Variants in ROPN1L observed in about 807,000 individuals in gnomAD.
ROPN1L encodes the protein ropporin-1-like protein.
Under a neutral mutation model 22.7 loss-of-function variants are expected in ROPN1L, and 23 were observed. The ratio of observed to expected loss-of-function variants is 1.01; its 90% confidence interval spans 0.73 to 1.43. ROPN1L has a LOEUF of 1.43. Ranked by LOEUF, ROPN1L falls within the 40% of genes most tolerant of loss-of-function variation. The pLI is 0.00. For synonymous variants in ROPN1L, 116 were observed against 117.8 expected, an observed-to-expected ratio of 0.98 and a Z score of 0.10; for missense variants, 271 against 291.5, an observed-to-expected ratio of 0.93 and a Z score of 0.51.
At chr5:10,481,021 C>T in the ROPN1L span, among the ~76,000 whole-genome samples, 3 of 152,118 alleles carry the variant, frequency 2.0e-5, no homozygotes, top group Non-Finnish European at 4.4e-5. Context: ...AAACCCACCG[C>T]AGTAGCAGAC....
the ROPN1L span, among the ~76,000 whole-genome samples, chr5:10,480,976 G>C: frequency 6.6e-6 from 1 of 152,096 alleles, no homozygotes; most frequent in African/African-American, 2.4e-5. Flanking sequence ...CTTCCAGATC[G>C]TCTGTTTCTT....
At chr5:10,459,762 C>T (rs1379757215) in intron 3 of ROPN1L, among the ~76,000 whole-genome samples, 1 of 152,242 alleles carries the variant, frequency 6.6e-6, no homozygotes, top group Non-Finnish European at 1.5e-5. Context: ...CACTGCCTGC[C>T]TGCTGCTCCA....
intron 3 of ROPN1L, among the ~76,000 whole-genome samples, chr5:10,455,928 G>C (rs1332601211): frequency 6.8e-6 from 1 of 147,412 alleles, no homozygotes; most frequent in Non-Finnish European, 1.5e-5. Context: ...GTGCCTCAGA[G>C]GGGGACCTCC....
intron 3 of ROPN1L, among the ~76,000 whole-genome samples, chr5:10,455,507 CTG>C (rs1741388938): frequency 6.6e-6 from 1 of 152,210 alleles, no homozygotes; most frequent in Non-Finnish European, 1.5e-5. Context: ...GTCCCTCCCT[CTG>C]TGGGAAAGAG....
At chr5:10,460,724 A>G (rs1266149145) in intron 3 of ROPN1L, among the ~76,000 whole-genome samples, 1 of 152,174 alleles carries the variant, frequency 6.6e-6, no homozygotes, top group Non-Finnish European at 1.5e-5. Context: ...ATTGGCAGAC[A>G]CCCAGGGCTT....
At chr5:10,459,831 G>C (rs946605057) in intron 3 of ROPN1L, among the ~76,000 whole-genome samples, 2 of 152,202 alleles carry the variant, frequency 1.3e-5, no homozygotes, top group African/African-American at 4.8e-5. Context: ...CCACTTGACT[G>C]TGATCTCCAC....
At chr5:10,453,243 A>C (rs16884723) in intron 3 of ROPN1L, among the ~76,000 whole-genome samples, 5,449 of 152,022 alleles carry the variant, frequency 0.036, 341 homozygotes, top group African/African-American at 0.12. Flanking sequence ...TCTGGGGTCC[A>C]TGTCTGCTGC....
intron 3 of ROPN1L, among the ~76,000 whole-genome samples, chr5:10,454,129 AT>A (rs36018567): frequency 0.71 from 105,826 of 148,900 alleles, 40,816 homozygotes; most frequent in Non-Finnish European, 0.88. Flanking sequence ...CTTTTATTTA[AT>A]TTTTTTTTTT....
intron 1 of ROPN1L, among the ~76,000 whole-genome samples, chr5:10,444,822 C>A (rs1384132274): frequency 6.6e-6 from 1 of 151,218 alleles, no homozygotes; most frequent in Non-Finnish European, 1.5e-5. Flanking sequence ...TTGTTTGAAA[C>A]CGGGAAGCAG....
At position 10,461,256 on chromosome 5, in the gene ROPN1L, C is replaced by T; in HGVS notation, c.490C>T (p.Pro164Ser). 1 of 1,614,158 alleles carries T rather than the reference C, an allele frequency of 6.2e-7. No individual in the cohort carries two copies. The highest frequency in any genetic ancestry group is 1.3e-5 in the African/African-American group (1 of 75,058). Residue 164 changes from proline to serine, a missense_variant, in exon 4 of 5, where the codon CCC becomes TCC. Coordinates refer to ENST00000274134, the MANE Select transcript of ROPN1L (RefSeq NM_031916.5). ...DDPEGGPARIPFKTFSYVYRY... is the reference protein window; with the variant it reads ...DDPEGGPARISFKTFSYVYRY... ...TCCGGAGGGCGGGCCCGCTCGCATC[C>T]CCTTCAAGACGTTTTCCTACGTTTA...
At chr5:10,468,244 A>G (rs1027130230), downstream of ROPN1L, among the ~76,000 whole-genome samples, 1 of 152,260 alleles carries the variant, frequency 6.6e-6, no homozygotes. Context: ...TTAACAAAAC[A>G]TAAAGGGGGA....
rs994376161 is a variant in ROPN1L at position 10,461,402 on chromosome 5, G to A, written c.593+43G>A. 3.2e-6 allele frequency: 5 copies of A among 1,553,710 alleles called. No individual in the cohort carries two copies. In the South Asian group the frequency reaches 4.6e-5, roughly 14 times the overall value. The stretch of plus-strand genomic sequence containing the variant: ...CTAGGATTCAGGTATGTTGACCATG[G>A]GAGAATTTCCTGTTTCACTTCCCCC... On this transcript the variant is annotated intron_variant, in intron 4 of 4. Transcript: ENST00000274134.
chr5:10,465,549 AC>A (rs1735139640), downstream of ROPN1L, among the ~76,000 whole-genome samples: 1 of 149,992 alleles, frequency 6.7e-6, no homozygotes, highest in Non-Finnish European at 1.5e-5. Context: ...AAACGAACAA[AC>A]AAAAAAAGGG....
Position 10,456,087 on chromosome 5 carries a change from G to C in ROPN1L, c.418-5097G>C, listed in dbSNP as rs906920912. ...GAAACTGAAAAACCCCACAGAGTTG[G>C]CATGCCGAAAATGCCCGGAAAATAG... On this transcript the variant is annotated intron_variant, in intron 3 of 4. Coordinates refer to ENST00000274134, the MANE Select transcript of ROPN1L (RefSeq NM_031916.5). Among the ~76,000 whole-genome samples, 5 of 152,244 alleles carry C rather than the reference G, an allele frequency of 3.3e-5. No homozygotes were observed. The South Asian group carries it at 6.2e-4, about 19-fold the overall frequency.
chr5:10,447,868 G>A (rs1157867432), intron 1 of ROPN1L, among the ~76,000 whole-genome samples: 3 of 152,136 alleles, frequency 2.0e-5, no homozygotes, highest in Non-Finnish European at 4.4e-5. Flanking sequence ...GTGACAGAGT[G>A]AGACCCTGTC....
intron 3 of ROPN1L, among the ~76,000 whole-genome samples, chr5:10,456,958 C>G (rs1393885368): frequency 6.6e-6 from 1 of 152,196 alleles, no homozygotes; most frequent in Admixed American, 6.5e-5. Flanking sequence ...GTCCTGCACA[C>G]GGTGGTGACG....
chr5:10,447,320 C>T (rs1741100153), intron 1 of ROPN1L, among the ~76,000 whole-genome samples: 1 of 152,192 alleles, frequency 6.6e-6, no homozygotes, highest in African/African-American at 2.4e-5. Flanking sequence ...GGTGTGGGTT[C>T]CCTCTTGACT....
chr5:10,464,386 C>T (rs1194518793), intron 4 of ROPN1L, among the ~76,000 whole-genome samples: 1 of 152,238 alleles, frequency 6.6e-6, no homozygotes, highest in Non-Finnish European at 1.5e-5. Context: ...TGCTTCTGCA[C>T]CGCCATCCGG....
At chr5:10,468,147 C>T (rs1735185754), downstream of ROPN1L, among the ~76,000 whole-genome samples, 1 of 152,274 alleles carries the variant, frequency 6.6e-6, no homozygotes, top group African/African-American at 2.4e-5. Flanking sequence ...GGGGTTGTCC[C>T]TGCCTCACGG....
Sources: allele counts gnomAD v4.1 joint callset (sites outside exome capture counted in the v4.1 genomes callset), GRCh38; gene constraint gnomAD v4.1.1; transcripts MANE v1.5; gene names NCBI Gene and HGNC (gene_info 2026-07-23, HGNC 2026-07-21).